The following ZNF507 variants were observed in gnomAD, a reference collection of about 807,000 sequenced individuals.
ZNF507 encodes the protein zinc finger protein 507.
In ZNF507, 29 loss-of-function variants were observed where a neutral mutation model predicts 80.0. That is an observed-to-expected ratio of 0.36 (90% CI 0.27 to 0.49). The LOEUF is 0.49. ZNF507 is among the 20% of genes least tolerant of loss of function. The pLI, the probability that ZNF507 is intolerant of heterozygous loss-of-function variation, is 0.98. For missense variants in ZNF507, 1,081 were observed against 1,152.2 expected, an observed-to-expected ratio of 0.94 and a Z score of 0.90; for synonymous variants, 462 against 422.5, an observed-to-expected ratio of 1.09 and a Z score of -1.15.
chr19:32,352,858 T>C lies in ZNF507; in HGVS notation c.28T>C (p.Leu10=). The change falls in exon 3 of 7, where the codon TTG becomes CTG. Residue 10 remains leucine, a synonymous_variant. Coordinates refer to ENST00000355898, the MANE Select transcript of ZNF507 (RefSeq NM_001136156.2). ...GGAAGAAAGTAGCAGTGTTGCCATG[T>C]TGGTGCCAGATATTGGGGAACAGGA... The part of the protein sequence containing the change: MEESSSVAM[L]VPDIGEQEAI... 4 of 1,591,972 alleles carry C rather than the reference T, an allele frequency of 2.5e-6. No individual in the cohort carries two copies. The highest frequency in any genetic ancestry group is 3.4e-6 in the Non-Finnish European group (4 of 1,172,576).
Position 32,383,061 on chromosome 19 carries a change from A to G in ZNF507, c.2840A>G (p.Asn947Ser), listed in dbSNP as rs758332612. The stretch of plus-strand genomic sequence containing the variant: ...AACATCATCCTGAATAAGGACCACA[A>G]TACAGCTCTAAACACAAATTAGGTG... ...IVNIILNKDHNTALNTN is the reference protein window; with the variant it reads ...IVNIILNKDHSTALNTN The change falls in exon 7 of 7, where the codon AAT becomes AGT. Residue 947 changes from asparagine (N) to serine (S), a missense_variant. Physicochemically the swap from Asn to Ser is conservative, Grantham distance 46. Around this residue, in one of 6 missense-constraint regions of ZNF507, gnomAD observed 138 missense variants for 158.4 expected, o/e 0.87. Transcript: ENST00000355898. The G allele has an allele frequency of 1.4e-5, 23 of 1,613,736 alleles. No homozygotes were observed. In the South Asian group the frequency reaches 1.8e-4, roughly 12 times the overall value.
chr19:32,365,913 A>C (rs1967392293), intron 5 of ZNF507, among the ~76,000 whole-genome samples: 1 of 152,194 alleles, frequency 6.6e-6, no homozygotes, highest in Non-Finnish European at 1.5e-5. Context: ...CATATCCCTC[A>C]GTTCTTCCCA....
intron 3 of ZNF507, among the ~76,000 whole-genome samples, chr19:32,356,050 T>C (rs553143874): frequency 1.3e-5 from 2 of 152,288 alleles, no homozygotes; most frequent in South Asian, 2.1e-4. Context: ...GGTTCACTGC[T>C]TCTCAGATTA....
At position 32,386,580 on chromosome 19, in the gene ZNF507, A is replaced by G. The variant is rs1295417717; in HGVS notation, c.*3497A>G. Reference sequence around the variant, plus strand: ...TACTGACATGTAAAGACTACAGTTAATTCTGACACTGTATCTTATTAAAAT... The same window carrying G: ...TACTGACATGTAAAGACTACAGTTAGTTCTGACACTGTATCTTATTAAAAT... On this transcript the variant is annotated 3_prime_UTR_variant, in exon 7 of 7. Coordinates refer to ENST00000355898, the MANE Select transcript of ZNF507 (RefSeq NM_001136156.2). 1 of 152,642 alleles carries G rather than the reference A, an allele frequency of 6.6e-6. No homozygotes were observed. Among genetic ancestry groups the G allele is most frequent in the Non-Finnish European group, 1.5e-5 (1 of 68,040 alleles). 9.5% of individuals were successfully genotyped at this position (152,642 alleles called of 1,614,324 possible). A position where few individuals can be genotyped will look rare whatever the true frequency, so the allele number is the denominator to read the frequency against.
chr19:32,361,006 G>T (rs1967314970), intron 5 of ZNF507, among the ~76,000 whole-genome samples: 1 of 152,286 alleles, frequency 6.6e-6, no homozygotes, highest in East Asian at 1.9e-4. Flanking sequence ...TAGGCATTTT[G>T]TCTAGTTGAT....
chr19:32,382,050 T>C (rs1476609407), intron 5 of ZNF507: 2 of 154,756 alleles, frequency 1.3e-5, no homozygotes, highest in Non-Finnish European at 2.9e-5. Flanking sequence ...GCACAGTTCA[T>C]GTTGAAAATC....
rs558295166 is a variant in ZNF507 at position 32,371,479 on chromosome 19, C to CAA, written c.2360+10876_2360+10877dup. Among the ~76,000 whole-genome samples the CAA allele has an allele frequency of 4.3e-3, 488 of 112,272 alleles. 5 individuals carry two copies. Among genetic ancestry groups the CAA allele is most frequent in the Non-Finnish European group, 6.9e-3 (376 of 54,414 alleles). The allele number at this position is 112,272 out of a possible 152,430, so 73.7% of individuals were successfully genotyped here. On this transcript the variant is annotated intron_variant, in intron 5 of 6. Transcript: ENST00000355898. ...GGCAACAAAAGCGAAACTCCCATCT[C>CAA]AAAAAAAAAAAAAAAATGACTGTGC...
Position 32,354,320 on chromosome 19 carries a change from C to T in ZNF507, c.1490C>T (p.Ala497Val). ...TCTCTTCGATTACACTCATTAGCTG[C>T]AGAAGCCCTTGTCACAATGCCTATA... ...SESLRLHSLA[A>V]EALVTMPIRA... Residue 497 changes from alanine to valine, a missense_variant, in exon 3 of 7, where the codon GCA becomes GTA. Physicochemically the swap from Ala to Val is moderately conservative, Grantham distance 64 (BLOSUM62 0). Coordinates refer to ENST00000355898, the MANE Select transcript of ZNF507 (RefSeq NM_001136156.2). The T allele has an allele frequency of 6.2e-7, 1 of 1,614,142 alleles. No individual in the cohort carries two copies. The highest frequency in any genetic ancestry group is 8.5e-7 in the Non-Finnish European group (1 of 1,180,038).
intron 2 of ZNF507, among the ~76,000 whole-genome samples, chr19:32,348,087 G>C (rs1442756799): frequency 6.6e-6 from 1 of 152,126 alleles, no homozygotes; most frequent in Non-Finnish European, 1.5e-5. Context: ...AGTTCATCTA[G>C]CTTCACCCTC....
At chr19:32,364,625 A>T (rs149562224) in intron 5 of ZNF507, among the ~76,000 whole-genome samples, 45 of 152,308 alleles carry the variant, frequency 3.0e-4, no homozygotes, top group African/African-American at 1.1e-3. Flanking sequence ...TTAGAATAAT[A>T]GTCTCTAATC....
intron 5 of ZNF507, among the ~76,000 whole-genome samples, chr19:32,371,935 A>T (rs1292597341): frequency 6.6e-6 from 1 of 152,122 alleles, no homozygotes; most frequent in Non-Finnish European, 1.5e-5. Context: ...CACCACGCCC[A>T]GTCCATTCTT....
chr19:32,350,773 C>T (rs1312615753), intron 2 of ZNF507, among the ~76,000 whole-genome samples: 3 of 152,172 alleles, frequency 2.0e-5, no homozygotes, highest in Admixed American at 6.5e-5. Flanking sequence ...AGAGCCGTAT[C>T]GTGTTCAGGA....
At chr19:32,370,328 T>C (rs1160877257) in intron 5 of ZNF507, among the ~76,000 whole-genome samples, 1 of 152,228 alleles carries the variant, frequency 6.6e-6, no homozygotes, top group East Asian at 1.9e-4. Flanking sequence ...ATACTATTTT[T>C]CATGGCCGTA....
rs150068736 is a variant in ZNF507 at position 32,353,984 on chromosome 19, T to G, written c.1154T>G (p.Ile385Ser). The stretch of plus-strand genomic sequence containing the variant: ...CTGCTTACATCAGCACAGAAAATCA[T>G]CAGCAGCAGCCCCAATAAAAAAGGG... ...DSLLTSAQKI[I>S]SSSPNKKGHV... Residue 385 changes from isoleucine to serine, a missense_variant, in exon 3 of 7, where the codon ATC (isoleucine) becomes AGC (serine). Transcript: ENST00000355898. 423 of 1,614,120 alleles carry G rather than the reference T, an allele frequency of 2.6e-4. No homozygotes were observed. The highest frequency in any genetic ancestry group is 3.3e-4 in the Middle Eastern group (2 of 6,062).
At chr19:32,364,931 A>G (rs1170338856) in intron 5 of ZNF507, among the ~76,000 whole-genome samples, 2 of 152,118 alleles carry the variant, frequency 1.3e-5, no homozygotes, top group African/African-American at 2.4e-5. Context: ...ATTCCCACCA[A>G]CCGTGTAGAA....
At position 32,353,238 on chromosome 19, in the gene ZNF507, C is replaced by T. The variant is rs1967195760; in HGVS notation, c.408C>T (p.Ser136=). The T allele has an allele frequency of 6.2e-7, 1 of 1,614,076 alleles. No individual in the cohort carries two copies. The highest frequency in any genetic ancestry group is 8.5e-7 in the Non-Finnish European group (1 of 1,180,032). Residue 136 remains serine (S), a synonymous_variant, in exon 3 of 7, where the codon TCC becomes TCT. Transcript: ENST00000355898. ...GCCTTTGTAAGTTTCTATCATCATC[C>T]TTTTCCGTGTTAAAAGATCATATTA... ...QCSLCKFLSS[S]FSVLKDHIKQ...
intron 4 of ZNF507, chr19:32,358,369 C>A (rs1967278627): frequency 1.3e-5 from 2 of 152,274 alleles, no homozygotes; most frequent in Non-Finnish European, 2.9e-5. Flanking sequence ...ATTTGTGCCT[C>A]TGTGATCCTC....
intron 5 of ZNF507, among the ~76,000 whole-genome samples, chr19:32,381,875 A>C (rs1469571806): frequency 2.6e-5 from 4 of 152,202 alleles, no homozygotes; most frequent in African/African-American, 9.6e-5. Flanking sequence ...TTTTCTAAAA[A>C]TCTTTCATTG....
intron 2 of ZNF507, among the ~76,000 whole-genome samples, chr19:32,350,893 A>G (rs545277688): frequency 6.6e-5 from 10 of 152,376 alleles, no homozygotes; most frequent in African/African-American, 1.9e-4. Context: ...AGTCACATGA[A>G]GAGCCACAGC....
Sources: gnomAD v4.1 joint callset for allele counts (sites outside exome capture counted in the v4.1 genomes callset) on GRCh38, gnomAD v4.1.1 for gene constraint, gnomAD v4.1.1 regional missense constraint, MANE v1.5 for transcripts, NCBI Gene and HGNC (gene_info 2026-07-23, HGNC 2026-07-21) for gene names.